Variants in ZNF585B observed in about 807,000 individuals in gnomAD.
The protein encoded by ZNF585B is zinc finger protein 585B, also known as zinc finger protein 41-like protein.
ZNF585B carries 7 observed loss-of-function variants against 14.0 expected under a neutral mutation model. That is an observed-to-expected ratio of 0.50 (90% CI 0.28 to 0.94). ZNF585B has a LOEUF of 0.94. Ranked by LOEUF, ZNF585B falls within the 40% of genes least tolerant of loss-of-function variation. The pLI, the probability that ZNF585B is intolerant of heterozygous loss-of-function variation, is 0.09. For synonymous variants in ZNF585B, 290 were observed against 317.3 expected (o/e 0.91, Z 0.91); for missense variants, 750 against 924.4 (o/e 0.81, Z 2.45).
At position 37,186,386 on chromosome 19, in the gene ZNF585B, C is replaced by G; in HGVS notation, c.1151G>C (p.Cys384Ser). ...AGTGAAGGCTCTCCCACAGTCACTG[C>G]ATTCATAAGGTTTCTCTCCAGTGTG... ...RIHTGEKPYECSDCGRAFTQK... is the reference protein window; with the variant it reads ...RIHTGEKPYESSDCGRAFTQK... Residue 384 changes from cysteine to serine, a missense_variant, in exon 5 of 5, where the codon TGC becomes TCC. By Grantham distance (112) the Cys-to-Ser change is moderately radical. This residue lies in a region of ZNF585B where 517 missense variants were observed against 570.3 expected (regional missense o/e 0.91). Coordinates refer to ENST00000532828, the MANE Select transcript of ZNF585B (RefSeq NM_152279.4). The G allele has an allele frequency of 6.2e-7, 1 of 1,614,196 alleles. No homozygotes were observed. The highest frequency in any genetic ancestry group is 1.3e-5 in the African/African-American group (1 of 75,054).
In ZNF585B at chr19:37,182,221, A is replaced by G. The variant is rs1401739835; in HGVS notation, c.*3006T>C. The G allele has an allele frequency of 6.6e-6, 1 of 152,178 alleles. No homozygotes were observed. Among genetic ancestry groups the G allele is most frequent in the East Asian group, 1.9e-4 (1 of 5,202 alleles). The allele number at this position is 152,178 out of a possible 1,614,324, so 9.4% of individuals were successfully genotyped here. A position where few individuals can be genotyped will look rare whatever the true frequency, so the allele number is the denominator to read the frequency against. On this transcript the variant is annotated 3_prime_UTR_variant, in exon 5 of 5. Coordinates refer to ENST00000532828, the MANE Select transcript of ZNF585B (RefSeq NM_152279.4). ...GTCAGCACTAAAATATCACGTTACA[A>G]TAAATATAAAGGAGAAATTATTGAA...
chr19:37,192,033 AAAAG>A (rs1161050632), intron 2 of ZNF585B, among the ~76,000 whole-genome samples: 1 of 152,016 alleles, frequency 6.6e-6, no homozygotes, highest in African/African-American at 2.4e-5. Flanking sequence ...CCATCTCAAA[AAAAG>A]AAAGAAAGAA....
chr19:37,184,415 AG>A lies in ZNF585B; in HGVS notation c.*811del, dbSNP rs1972298909. The A allele has an allele frequency of 2.5e-5, 1 of 39,556 alleles. No homozygotes were observed. Among genetic ancestry groups the A allele is most frequent in the African/African-American group, 1.1e-4 (1 of 8,802 alleles). 2.5% of individuals were successfully genotyped at this position (39,556 alleles called of 1,614,324 possible). A position where few individuals can be genotyped will look rare whatever the true frequency, so the allele number is the denominator to read the frequency against. ...AAGAAAGAAAGAAAGAAAGAAAGAAAGAGAAAGAAAGAAAAAGAAAGAAAGA... is the reference window on the plus strand; with the variant it reads ...AAGAAAGAAAGAAAGAAAGAAAGAAAAGAAAGAAAGAAAAAGAAAGAAAGA... On this transcript the variant is annotated 3_prime_UTR_variant, in exon 5 of 5. Transcript: ENST00000532828.
At chr19:37,208,593 C>CA (rs35187925) in intron 1 of ZNF585B, among the ~76,000 whole-genome samples, 6,022 of 143,212 alleles carry the variant, frequency 0.042, 161 homozygotes, top group Admixed American at 0.074. Flanking sequence ...CAAAAAAGGC[C>CA]AAAAAAAAAA....
chr19:37,190,255 A>G (rs940598517), intron 2 of ZNF585B, 105 bp from the exon 3 acceptor site: 2 of 1,362,546 alleles, frequency 1.5e-6, no homozygotes, highest in East Asian at 2.6e-5. Context: ...AATTTACTTC[A>G]TTTTTTTTTT....
At chr19:37,202,708 T>C (rs1972543888) in intron 2 of ZNF585B, among the ~76,000 whole-genome samples, 1 of 147,714 alleles carries the variant, frequency 6.8e-6, no homozygotes, top group African/African-American at 2.5e-5. Context: ...AATGACGCAA[T>C]CTCAGCTCAC....
chr19:37,199,640 G>A (rs911003232), intron 2 of ZNF585B: 1 of 280,244 alleles, frequency 3.6e-6, no homozygotes, highest in African/African-American at 2.3e-5. Flanking sequence ...CAAAAATAGA[G>A]AGGAGATTAA....
In ZNF585B at chr19:37,183,328, A is replaced by G. The variant is rs934115610; in HGVS notation, c.*1899T>C. On this transcript the variant is annotated 3_prime_UTR_variant, in exon 5 of 5. Coordinates refer to ENST00000532828, the MANE Select transcript of ZNF585B (RefSeq NM_152279.4). ...TCCCTATTAGCGCTTCTTATGCTGC[A>G]ACACAGAAAAAAATCAGACAGAAGT... 2 of 152,218 alleles carry G rather than the reference A, an allele frequency of 1.3e-5. No individual in the cohort carries two copies. The highest frequency in any genetic ancestry group is 4.8e-5 in the African/African-American group (2 of 41,440). 9.4% of individuals were successfully genotyped at this position (152,218 alleles called of 1,614,324 possible). A position where few individuals can be genotyped will look rare whatever the true frequency, so the allele number is the denominator to read the frequency against.
At chr19:37,193,168 G>T (rs531760026) in intron 2 of ZNF585B, among the ~76,000 whole-genome samples, 2 of 151,402 alleles carry the variant, frequency 1.3e-5, no homozygotes, top group Non-Finnish European at 3.0e-5. Flanking sequence ...AACACCACAT[G>T]AGTTTAAAGA....
Position 37,204,513 on chromosome 19 carries a change from C to T in ZNF585B, c.72+2527G>A, listed in dbSNP as rs1397844004. On this transcript the variant is annotated intron_variant, in intron 2 of 4. Transcript: ENST00000532828. ...GTTATATTTGAGCATAGACAAAAATCAGAACATTCTTCAAACCACAAAAGT... is the reference window on the plus strand; with the variant it reads ...GTTATATTTGAGCATAGACAAAAATTAGAACATTCTTCAAACCACAAAAGT... Among the ~76,000 whole-genome samples, 3 of 152,316 alleles carry T rather than the reference C, an allele frequency of 2.0e-5. No homozygotes were observed. In the East Asian group the frequency reaches 5.8e-4, roughly 29 times the overall value.
intron 2 of ZNF585B, among the ~76,000 whole-genome samples, chr19:37,193,343 C>T (rs1374076968): frequency 2.6e-5 from 4 of 151,202 alleles, no homozygotes; most frequent in Admixed American, 1.3e-4. Flanking sequence ...CAGTGGCGGG[C>T]GCCTGTAGTC....
At position 37,185,933 on chromosome 19, in the gene ZNF585B, G is replaced by T; in HGVS notation, c.1604C>A (p.Ser535Ter). ...NTCGKAFTQK[S>*]NLNIHQKIHT... ...AATTTTCTGATGTATATTAAGATTT[G>T]ACTTCTGAGTAAAGGCTTTTCCACA... Residue 535 changes from serine to a stop codon, truncating the protein, a stop_gained, in exon 5 of 5, where the codon TCA becomes TAA. Coordinates refer to ENST00000532828, the MANE Select transcript of ZNF585B (RefSeq NM_152279.4). LOFTEE classifies it low-confidence loss of function (END_TRUNC). 6.2e-7 allele frequency: 1 copy of T among 1,614,128 alleles called. No homozygotes were observed. Among genetic ancestry groups the T allele is most frequent in the South Asian group, 1.1e-5 (1 of 91,076 alleles).
chr19:37,200,922 C>A lies in ZNF585B; in HGVS notation c.72+6118G>T, dbSNP rs955819047. ...CCTGCCCAACGTGGTGAAACCCCAT[C>A]TCTACTAAAAATACAAAAATTAGCC... On this transcript the variant is annotated intron_variant, in intron 2 of 4. Transcript: ENST00000532828. 3.3e-5 allele frequency among the ~76,000 whole-genome samples: 5 copies of A among 151,798 alleles called. No homozygotes were observed. In the South Asian group the frequency reaches 1.0e-3, roughly 32 times the overall value.
chr19:37,192,950 A>T (rs935417369), intron 2 of ZNF585B, among the ~76,000 whole-genome samples: 1 of 152,150 alleles, frequency 6.6e-6, no homozygotes, highest in Non-Finnish European at 1.5e-5. Context: ...CCTGGCCAAC[A>T]TGTTGAAACC....
chr19:37,190,916 C>T (rs578135120), intron 2 of ZNF585B, among the ~76,000 whole-genome samples: 27 of 152,160 alleles, frequency 1.8e-4, no homozygotes, highest in Admixed American at 4.6e-4. Flanking sequence ...TAGCTTATTA[C>T]GAAAAATTTT....
chr19:37,186,682 CAATT>C lies in ZNF585B; in HGVS notation c.851_854del (p.Gln284ArgfsTer39), dbSNP rs756977599. ...CACTATGAATTCTTCGGTGTGCAAT[CAATT>C]GTGTTTTCTGGATGAAGGCCTGCCC... On this transcript the variant is annotated frameshift_variant, in exon 5 of 5. Transcript: ENST00000532828. LOFTEE classifies it low-confidence loss of function (END_TRUNC). 205 of 1,614,026 alleles carry C rather than the reference CAATT, an allele frequency of 1.3e-4. No individual in the cohort carries two copies. The highest frequency in any genetic ancestry group is 3.3e-4 in the Middle Eastern group (2 of 6,082).
In ZNF585B at chr19:37,184,498, AAG is replaced by A. The variant is rs758954966; in HGVS notation, c.*727_*728del. On this transcript the variant is annotated 3_prime_UTR_variant, in exon 5 of 5. Coordinates refer to ENST00000532828, the MANE Select transcript of ZNF585B (RefSeq NM_152279.4). ...AAAGAAAGAAAGAAAGAAAGAAAGAAAGAAAGAGAAAGAAAGAAAGAAAAAGA... is the reference window on the plus strand; with the variant it reads ...AAAGAAAGAAAGAAAGAAAGAAAGAAAAAGAGAAAGAAAGAAAGAAAAAGA... The A allele has an allele frequency of 1.2e-5, 1 of 86,328 alleles. No individual in the cohort carries two copies. Among genetic ancestry groups the A allele is most frequent in the African/African-American group, 4.3e-5 (1 of 23,506 alleles). The allele number at this position is 86,328 out of a possible 1,614,324, so 5.3% of individuals were successfully genotyped here. A position where few individuals can be genotyped will look rare whatever the true frequency, so the allele number is the denominator to read the frequency against.
chr19:37,205,367 G>T (rs914787369), intron 2 of ZNF585B, among the ~76,000 whole-genome samples: 2 of 152,166 alleles, frequency 1.3e-5, no homozygotes, highest in Non-Finnish European at 2.9e-5. Flanking sequence ...ACCCTGAAAT[G>T]AAATTCCACT....
intron 2 of ZNF585B, among the ~76,000 whole-genome samples, chr19:37,206,823 T>C (rs1403988214): frequency 6.6e-6 from 1 of 152,208 alleles, no homozygotes; most frequent in Non-Finnish European, 1.5e-5. Flanking sequence ...TCCTTGACAG[T>C]GCACCTCTCC....
Sources: gnomAD v4.1 joint callset for allele counts (sites outside exome capture counted in the v4.1 genomes callset) on GRCh38, gnomAD v4.1.1 for gene constraint, gnomAD v4.1.1 regional missense constraint, MANE v1.5 for transcripts, NCBI Gene and HGNC (gene_info 2026-07-23, HGNC 2026-07-21) for gene names.